Variants in TIAM1 observed in about 807,000 individuals in gnomAD.
TIAM1 encodes the protein rho guanine nucleotide exchange factor TIAM1.
In TIAM1, 65 loss-of-function variants were observed where a neutral mutation model predicts 163.5. The observed-to-expected ratio is 0.40, with a 90% CI of 0.33 to 0.49. The LOEUF (loss-of-function observed/expected upper bound fraction) is 0.49. TIAM1 is among the 20% of genes least tolerant of loss of function. The pLI, the probability that TIAM1 is intolerant of heterozygous loss-of-function variation, is 0.77. For synonymous variants in TIAM1, 833 were observed against 810.1 expected (o/e 1.03, Z -0.48); for missense variants, 1,789 against 2,044.7 (o/e 0.87, Z 2.41).
chr21:31,540,704 C>T (rs114941266), intron 1 of TIAM1, among the ~76,000 whole-genome samples: 3 of 152,298 alleles, frequency 2.0e-5, no homozygotes, highest in Admixed American at 1.3e-4. Context: ...AATCCAAAGA[C>T]AGTTGTTCAT....
In TIAM1 at chr21:31,120,155, A is replaced by G; in HGVS notation, c.*213T>C. On this transcript the variant is annotated 3_prime_UTR_variant, in exon 28 of 28. Coordinates refer to ENST00000541036, the MANE Select transcript of TIAM1 (RefSeq NM_001353694.2). This position sits in a 1 kb window ranked among gnomAD's most constrained non-coding sequence, Gnocchi z 4.2. The stretch of plus-strand genomic sequence containing the variant: ...CCCTTAGTAATATACAGAAGATAGG[A>G]CTCAAGCTTATTTGGGATTCTGATC... 1 of 552,236 alleles carries G rather than the reference A, an allele frequency of 1.8e-6. No individual in the cohort carries two copies. Among genetic ancestry groups the G allele is most frequent in the Non-Finnish European group, 3.2e-6 (1 of 312,940 alleles). The allele number at this position is 552,236 out of a possible 1,614,324, so 34.2% of individuals were successfully genotyped here. A position where few individuals can be genotyped will look rare whatever the true frequency, so the allele number is the denominator to read the frequency against.
chr21:31,406,375 G>C (rs1359986440), intron 2 of TIAM1, among the ~76,000 whole-genome samples: 1 of 152,062 alleles, frequency 6.6e-6, no homozygotes, highest in African/African-American at 2.4e-5. Context: ...CACCCTTTAA[G>C]ACCTGAATAA....
chr21:31,489,480 T>G (rs1338657116), intron 1 of TIAM1, among the ~76,000 whole-genome samples: 14 of 68,654 alleles, frequency 2.0e-4, no homozygotes, highest in African/African-American at 4.7e-4. Context: ...GAGAAGGAGA[T>G]GAAAGAAAGA....
At chr21:31,368,868 A>G (rs939762339) in intron 2 of TIAM1, among the ~76,000 whole-genome samples, 4 of 152,212 alleles carry the variant, frequency 2.6e-5, no homozygotes, top group African/African-American at 9.6e-5. Flanking sequence ...TAATAATGCA[A>G]TCAGCAAACT....
At chr21:31,461,932 G>T (rs926475728) in intron 2 of TIAM1, among the ~76,000 whole-genome samples, 1 of 152,204 alleles carries the variant, frequency 6.6e-6, no homozygotes, top group African/African-American at 2.4e-5. Flanking sequence ...CTCCCAAAGT[G>T]CCGGGATTAC....
intron 1 of TIAM1, among the ~76,000 whole-genome samples, chr21:31,467,459 C>T (rs2045573577): frequency 1.3e-5 from 2 of 151,540 alleles, no homozygotes; most frequent in African/African-American, 4.9e-5. Flanking sequence ...AACCCCGTGT[C>T]TACTAAAAAT....
intron 2 of TIAM1, among the ~76,000 whole-genome samples, chr21:31,291,813 G>A (rs1054324274): frequency 6.6e-6 from 1 of 152,154 alleles, no homozygotes; most frequent in African/African-American, 2.4e-5. Flanking sequence ...ATGAGCCACC[G>A]TGCCCAGCCG....
At chr21:31,391,944 G>A (rs577214977) in intron 2 of TIAM1, among the ~76,000 whole-genome samples, 3 of 152,236 alleles carry the variant, frequency 2.0e-5, no homozygotes, top group South Asian at 2.1e-4. Context: ...GTACCCATAC[G>A]CCCATGCTGT....
At chr21:31,443,395 G>A (rs1000645310) in intron 2 of TIAM1, among the ~76,000 whole-genome samples, 8 of 152,216 alleles carry the variant, frequency 5.3e-5, no homozygotes, top group African/African-American at 1.4e-4. Flanking sequence ...TATGGACCAC[G>A]CTGCTGTATG....
intron 2 of TIAM1, among the ~76,000 whole-genome samples, chr21:31,389,302 G>A (rs150902621): frequency 6.6e-6 from 1 of 152,040 alleles, no homozygotes; most frequent in African/African-American, 2.4e-5. Context: ...TGCAACCTCC[G>A]CCTCCCGGGT....
At chr21:31,467,317 G>C (rs1041087039) in intron 1 of TIAM1, among the ~76,000 whole-genome samples, 1 of 152,202 alleles carries the variant, frequency 6.6e-6, no homozygotes, top group African/African-American at 2.4e-5. Context: ...GAGTGGCAGA[G>C]TGAGAGTCCC....
At chr21:31,342,357 G>A (rs1193681316) in intron 1 of TIAM1, among the ~76,000 whole-genome samples, 1 of 151,580 alleles carries the variant, frequency 6.6e-6, no homozygotes. Flanking sequence ...GGGAGAGGTG[G>A]GGAGACAATA....
intron 2 of TIAM1, among the ~76,000 whole-genome samples, chr21:31,379,041 G>C (rs1013220855): frequency 6.6e-6 from 1 of 152,058 alleles, no homozygotes; most frequent in Non-Finnish European, 1.5e-5. Context: ...GCGCAATCTC[G>C]GCTCACTGCA....
In TIAM1 at chr21:31,230,026, G is replaced by A. The variant is rs561100446; in HGVS notation, c.1585-4076C>T. Among the ~76,000 whole-genome samples, 5 of 152,314 alleles carry A rather than the reference G, an allele frequency of 3.3e-5. No homozygotes were observed. In the East Asian group the frequency reaches 7.7e-4, roughly 24 times the overall value. The stretch of plus-strand genomic sequence containing the variant: ...CCTGCAGAGGCGCACGCAGCACTAA[G>A]GAGAGGCTATGGTTCCTGCACAAAC... On this transcript the variant is annotated intron_variant, in intron 6 of 27. Transcript: ENST00000541036.
chr21:31,337,621 T>A (rs891299706), intron 2 of TIAM1, among the ~76,000 whole-genome samples: 9 of 151,666 alleles, frequency 5.9e-5, no homozygotes, highest in Admixed American at 1.3e-4. Context: ...AACCTCCACC[T>A]CCTGGGTTCA....
At chr21:31,222,491 C>T (rs752388815) in intron 8 of TIAM1, among the ~76,000 whole-genome samples, 1 of 151,816 alleles carries the variant, frequency 6.6e-6, no homozygotes, top group Non-Finnish European at 1.5e-5. Flanking sequence ...CTTCCTCAAG[C>T]AATGCATATA....
chr21:31,553,135 A>C (rs1006220463), intron 1 of TIAM1, among the ~76,000 whole-genome samples: 4 of 152,222 alleles, frequency 2.6e-5, no homozygotes, highest in Admixed American at 6.5e-5. Context: ...CAGGATTCTG[A>C]GAGACCAAAG....
At chr21:31,368,921 TAAGTA>T (rs1453604410) in intron 2 of TIAM1, among the ~76,000 whole-genome samples, 2 of 152,106 alleles carry the variant, frequency 1.3e-5, no homozygotes, top group Non-Finnish European at 2.9e-5. Flanking sequence ...CTTGGACTCT[TAAGTA>T]AAGAGAAAAG....
chr21:31,353,578 A>C (rs768617417), intron 2 of TIAM1, among the ~76,000 whole-genome samples: 1 of 152,178 alleles, frequency 6.6e-6, no homozygotes, highest in South Asian at 2.1e-4. Context: ...CCTGGTCCTC[A>C]TGACAGCTCA....
Sources: gnomAD v4.1 joint callset for allele counts (sites outside exome capture counted in the v4.1 genomes callset) on GRCh38, gnomAD v4.1.1 for gene constraint, Gnocchi (gnomAD v3.1) non-coding constraint, MANE v1.5 for transcripts, NCBI Gene and HGNC (gene_info 2026-07-23, HGNC 2026-07-21) for gene names.